The following EYS variants were observed in gnomAD, a reference collection of about 807,000 sequenced individuals.
EYS encodes protein eyes shut homolog.
Under a neutral mutation model 282.1 loss-of-function variants are expected in EYS, and 250 were observed. The ratio of observed to expected loss-of-function variants is 0.89; its 90% CI spans 0.80 to 0.98. The LOEUF is 0.98. Ranked by LOEUF, EYS falls within the 50% of genes least tolerant of loss-of-function variation. EYS has a pLI of 0.00. For synonymous variants in EYS, 1,355 were observed against 1,282.9 expected (o/e 1.06, Z -1.20); for missense variants, 4,016 against 3,709.0 (o/e 1.08, Z -2.15).
chr6:65,458,852 G>T (rs916227165), intron 5 of EYS, among the ~76,000 whole-genome samples: 3 of 151,984 alleles, frequency 2.0e-5, no homozygotes, highest in African/African-American at 7.2e-5. Flanking sequence ...AGGAGAAATT[G>T]CAATGTTTCA....
intron 10 of EYS, among the ~76,000 whole-genome samples, chr6:65,339,210 G>T (rs1006141715): frequency 2.6e-5 from 4 of 151,134 alleles, no homozygotes; most frequent in African/African-American, 9.7e-5. Context: ...ACCAAAGTTA[G>T]ATAGGTAATT....
chr6:65,661,213 T>C (rs1767990761), intron 1 of EYS, among the ~76,000 whole-genome samples: 1 of 151,866 alleles, frequency 6.6e-6, no homozygotes, highest in Non-Finnish European at 1.5e-5. Flanking sequence ...GAACCATAGG[T>C]TTATATAACC....
chr6:64,134,234 A>G (rs972395344), intron 31 of EYS, among the ~76,000 whole-genome samples: 3 of 152,014 alleles, frequency 2.0e-5, no homozygotes, highest in African/African-American at 7.2e-5. Flanking sequence ...GAATGATAAG[A>G]GCTATTTTTA....
In EYS at chr6:64,765,265, C is replaced by T. The variant is rs1583131604; in HGVS notation, c.3443+48113G>A. Among the ~76,000 whole-genome samples, 4 of 152,258 alleles carry T rather than the reference C, an allele frequency of 2.6e-5. No homozygotes were observed. The South Asian group carries it at 8.3e-4, about 32-fold the overall frequency. On this transcript the variant is annotated intron_variant, in intron 22 of 42. Transcript: ENST00000503581. ...AAGCATAGCAAGAATGACCTTTGCT[C>T]CAGTTTCCAATAAGTTCCTCATCTC... is the stretch of plus-strand genomic sequence containing the variant.
At chr6:64,493,070 T>C (rs998724240) in intron 26 of EYS, among the ~76,000 whole-genome samples, 1 of 151,496 alleles carries the variant, frequency 6.6e-6, no homozygotes, top group Non-Finnish European at 1.5e-5. Context: ...TTTTGCCATG[T>C]TAATTCATCT....
chr6:65,041,876 A>T (rs1182623319), intron 13 of EYS, among the ~76,000 whole-genome samples: 1 of 151,578 alleles, frequency 6.6e-6, no homozygotes, highest in Admixed American at 6.6e-5. Flanking sequence ...CATCATTAAA[A>T]TTTTCTGTTT....
At chr6:64,547,792 C>T (rs573779684) in intron 26 of EYS, among the ~76,000 whole-genome samples, 6 of 152,166 alleles carry the variant, frequency 3.9e-5, no homozygotes, top group Admixed American at 6.5e-5. Flanking sequence ...TTGGTCGGGG[C>T]GGCTCGGGCT....
At chr6:65,435,678 G>C (rs1246435521) in intron 5 of EYS, among the ~76,000 whole-genome samples, 1 of 151,956 alleles carries the variant, frequency 6.6e-6, no homozygotes, top group African/African-American at 2.4e-5. Flanking sequence ...ACTTACTAAG[G>C]ACTGAATTGT....
At chr6:65,431,649 C>T (rs1767893190) in intron 5 of EYS, among the ~76,000 whole-genome samples, 4 of 151,858 alleles carry the variant, frequency 2.6e-5, no homozygotes, top group Admixed American at 2.6e-4. Context: ...GAAAAAATTG[C>T]TCAAATTATA....
intron 5 of EYS, among the ~76,000 whole-genome samples, chr6:65,421,490 A>C (rs1017031017): frequency 1.3e-5 from 2 of 151,856 alleles, no homozygotes; most frequent in Admixed American, 1.3e-4. Context: ...TATCAACAAT[A>C]AGGCTCTTTA....
chr6:64,363,935 C>A (rs1480760745), intron 29 of EYS, among the ~76,000 whole-genome samples: 2 of 151,864 alleles, frequency 1.3e-5, no homozygotes, highest in East Asian at 1.9e-4. Context: ...TTTATACATT[C>A]TTTCCTCTCC....
chr6:63,969,792 G>A (rs1259162124), intron 35 of EYS, among the ~76,000 whole-genome samples: 1 of 152,172 alleles, frequency 6.6e-6, no homozygotes, highest in African/African-American at 2.4e-5. Flanking sequence ...ACAATGAGGA[G>A]TCCCTAATTC....
chr6:64,919,690 C>A (rs955282058), intron 15 of EYS, among the ~76,000 whole-genome samples: 8 of 151,858 alleles, frequency 5.3e-5, no homozygotes, highest in Non-Finnish European at 1.0e-4. Flanking sequence ...TGATATAATT[C>A]TCTTCAAATT....
At chr6:65,119,601 C>T (rs991435814) in intron 12 of EYS, among the ~76,000 whole-genome samples, 3 of 149,204 alleles carry the variant, frequency 2.0e-5, no homozygotes, top group South Asian at 4.2e-4. Context: ...AAAAAGAATC[C>T]CATTTTTAAA....
chr6:64,093,752 C>T (rs1772466076), intron 31 of EYS, among the ~76,000 whole-genome samples: 1 of 152,154 alleles, frequency 6.6e-6, no homozygotes, highest in South Asian at 2.1e-4. Context: ...TTATTTCCTT[C>T]TGCTGCCTGA....
chr6:63,720,955 C>G lies in EYS; in HGVS notation c.9076G>C (p.Glu3026Gln). Residue 3026 changes from glutamate to glutamine, a missense_variant, in exon 43 of 43, where the codon GAA (glutamate) becomes CAA (glutamine). Glu to Gln is a conservative substitution (Grantham distance 29). Coordinates refer to ENST00000503581, the MANE Select transcript of EYS (RefSeq NM_001142800.2). ...QTLKIAVNLG[E>Q]RISVPMSYNN... ...TAGCTCATAGGCACAGAGATTCTTT[C>G]TCCCAAGTTAACTGCTATTTTCAAG... 1 of 1,551,358 alleles carries G rather than the reference C, an allele frequency of 6.4e-7. No individual in the cohort carries two copies. Among genetic ancestry groups the G allele is most frequent in the Non-Finnish European group, 8.7e-7 (1 of 1,146,790 alleles).
At chr6:64,060,272 AAT>A in intron 33 of EYS, among the ~76,000 whole-genome samples, 1 of 152,126 alleles carries the variant, frequency 6.6e-6, no homozygotes, top group East Asian at 1.9e-4. Flanking sequence ...AATTATAGAT[AAT>A]AGAGTATGGA....
intron 22 of EYS, among the ~76,000 whole-genome samples, chr6:64,629,436 T>C (rs1273875576): frequency 1.3e-5 from 2 of 152,144 alleles, no homozygotes; most frequent in Non-Finnish European, 2.9e-5. Context: ...TTGAGTGAAA[T>C]GGCTTTGAAT....
At chr6:64,443,166 A>G (rs1582758697) in intron 26 of EYS, among the ~76,000 whole-genome samples, 1 of 152,334 alleles carries the variant, frequency 6.6e-6, no homozygotes, top group Admixed American at 6.5e-5. Context: ...GATGTAAGAC[A>G]TGGAGTCAAA....
Sources: gnomAD v4.1 joint callset for allele counts (sites outside exome capture counted in the v4.1 genomes callset) on GRCh38, gnomAD v4.1.1 for gene constraint, MANE v1.5 for transcripts, NCBI Gene and HGNC (gene_info 2026-07-23, HGNC 2026-07-21) for gene names.